PFKFB3: variants seen among roughly 807,000 people sequenced by gnomAD.
PFKFB3 encodes 6-phosphofructo-2-kinase/fructose-2,6-biphosphatase 3.
Under a neutral mutation model 68.0 loss-of-function variants are expected in PFKFB3, and 33 were observed. That is an observed-to-expected ratio of 0.49 (90% CI 0.37 to 0.65). PFKFB3 has a LOEUF of 0.65. Among genes scored for constraint, PFKFB3 ranks in the 30% least tolerant of loss-of-function variants. PFKFB3 has a pLI of 0.00. For missense variants in PFKFB3, 586 were observed against 712.2 expected, an observed-to-expected ratio of 0.82 and a Z score of 2.02; for synonymous variants, 315 against 288.2, an observed-to-expected ratio of 1.09 and a Z score of -0.94.
chr10:6,215,368 C>G lies in PFKFB3; in HGVS notation c.299+51C>G. On this transcript the variant is annotated intron_variant, in intron 3 of 14. Coordinates refer to ENST00000379775, the MANE Select transcript of PFKFB3 (RefSeq NM_004566.4). The surrounding 1 kb of genome is among the most constrained non-coding windows in gnomAD (Gnocchi z 4.3). ...CTGGGCTGTGGGAATAAGGCTGGGC[C>G]GCGGGCATAAGGCTGGGCTGCAGGA... is the stretch of plus-strand genomic sequence containing the variant. The G allele has an allele frequency of 7.2e-7, 1 of 1,390,858 alleles. No homozygotes were observed. Among genetic ancestry groups the G allele is most frequent in the East Asian group, 2.3e-5 (1 of 42,948 alleles). The allele number at this position is 1,390,858 out of a possible 1,614,324, so 86.2% of individuals were successfully genotyped here.
Position 6,233,182 on chromosome 10 carries a change from T to A in PFKFB3, c.*240T>A, listed in dbSNP as rs1539232. 1 of 520,306 alleles carries A rather than the reference T, an allele frequency of 1.9e-6. No homozygotes were observed. The highest frequency in any genetic ancestry group is 3.4e-6 in the Non-Finnish European group (1 of 289,956). 32.2% of individuals were successfully genotyped at this position (520,306 alleles called of 1,614,324 possible). ...TTAGCCGTGGGGCCCCCACCTCCACTCTCTGGGTTTCCTAGGAATGTCCAG... is the reference window on the plus strand; with the variant it reads ...TTAGCCGTGGGGCCCCCACCTCCACACTCTGGGTTTCCTAGGAATGTCCAG... On this transcript the variant is annotated 3_prime_UTR_variant, in exon 15 of 15. Transcript: ENST00000379775.
At chr10:6,183,789 G>A (rs561647489) in intron 1 of PFKFB3, among the ~76,000 whole-genome samples, 111 of 150,720 alleles carry the variant, frequency 7.4e-4, no homozygotes, top group African/African-American at 2.6e-3. Context: ...CCGGGTTCAC[G>A]CCATTCTCCT....
rs1456800977 is a variant in PFKFB3 at position 6,210,349 on chromosome 10, TTTTTTTGTTTTTTTG to T, written c.77-3267_77-3253del. Among the ~76,000 whole-genome samples the T allele has an allele frequency of 3.1e-4, 4 of 12,878 alleles. 2 individuals are homozygous for T. The highest frequency in any genetic ancestry group is 2.3e-3 in the Non-Finnish European group (2 of 856). 8.4% of individuals were successfully genotyped at this position (12,878 alleles called of 152,430 possible). The stretch of plus-strand genomic sequence containing the variant: ...GCCCCTCTCTTTGTTTTTTTTTGTT[TTTTTTTGTTTTTTTG>T]TTTTTTTTTTTTTTGAGACGAAGTT... On this transcript the variant is annotated intron_variant, in intron 1 of 14. Transcript: ENST00000379775.
intron 14 of PFKFB3, chr10:6,245,902 T>G (rs10795935): frequency 0.85 from 129,341 of 152,172 alleles, 55,677 homozygotes; most frequent in Non-Finnish European, 0.91. Flanking sequence ...GCCCTGGGAG[T>G]TGTCAGAAGC....
At chr10:6,257,946 A>G (rs540307646), downstream of PFKFB3, among the ~76,000 whole-genome samples, 25 of 152,274 alleles carry the variant, frequency 1.6e-4, no homozygotes, top group East Asian at 4.6e-3. Flanking sequence ...CTGGGAGCCC[A>G]AGGACAGGTC....
chr10:6,313,852 A>C, the PFKFB3 span, among the ~76,000 whole-genome samples: 34 of 152,270 alleles, frequency 2.2e-4, 2 homozygotes, highest in Admixed American at 1.2e-3. The surrounding 1 kb of genome is among the most constrained non-coding windows in gnomAD (Gnocchi z 4.2). Flanking sequence ...CTTTACGCTA[A>C]GTTTTTTCTG....
At chr10:6,277,591 T>G in the PFKFB3 span, 2 of 188,030 alleles carry the variant, frequency 1.1e-5, no homozygotes, top group Non-Finnish European at 2.3e-5. Context: ...TTGCAAGATC[T>G]GTCTGTTTAA....
the PFKFB3 span, among the ~76,000 whole-genome samples, chr10:6,324,056 A>G: frequency 6.6e-6 from 1 of 152,188 alleles, no homozygotes; most frequent in Non-Finnish European, 1.5e-5. Flanking sequence ...GGTGGAAACA[A>G]CCCAGTGTCC....
rs73615841 is a variant in PFKFB3 at position 6,214,568 on chromosome 10, G to T, written c.203-653G>T. ...TAGATTCGGGTACATGTGCATGTTTGTTACCTGAGTATATTGCATATTGAT... is the reference window on the plus strand; with the variant it reads ...TAGATTCGGGTACATGTGCATGTTTTTTACCTGAGTATATTGCATATTGAT... On this transcript the variant is annotated intron_variant, in intron 2 of 14. Coordinates refer to ENST00000379775, the MANE Select transcript of PFKFB3 (RefSeq NM_004566.4). Among the ~76,000 whole-genome samples the T allele has an allele frequency of 8.8e-3, 1,325 of 151,384 alleles. 16 individuals carry two copies. Among genetic ancestry groups the T allele is most frequent in the African/African-American group, 0.031 (1,271 of 41,150 alleles).
chr10:6,223,516 C>T (rs1845107265), intron 11 of PFKFB3, among the ~76,000 whole-genome samples: 1 of 152,154 alleles, frequency 6.6e-6, no homozygotes, highest in South Asian at 2.1e-4. Flanking sequence ...CCAGCTGCTG[C>T]CCGGGACAGC....
chr10:6,304,096 C>T, the PFKFB3 span, among the ~76,000 whole-genome samples: 183 of 152,218 alleles, frequency 1.2e-3, no homozygotes, highest in Non-Finnish European at 2.1e-3. Flanking sequence ...GTTTTAGTGC[C>T]CCAGAGACGC....
At chr10:6,303,799 A>G in the PFKFB3 span, among the ~76,000 whole-genome samples, 74 of 24,638 alleles carry the variant, frequency 3.0e-3, no homozygotes, top group African/African-American at 6.3e-3. Flanking sequence ...GAGTCCATCT[A>G]AAAAAAAAAA....
chr10:6,312,598 C>A, the PFKFB3 span, among the ~76,000 whole-genome samples: 3 of 152,178 alleles, frequency 2.0e-5, no homozygotes, highest in Non-Finnish European at 4.4e-5. Flanking sequence ...AACACACCTT[C>A]CAGAAAAAAG....
At chr10:6,254,448 G>A in exon 15 of PFKFB3, 2 of 398,254 alleles carry the variant, frequency 5.0e-6, no homozygotes, top group Non-Finnish European at 4.4e-6. Flanking sequence ...TGGTTATGTG[G>A]GATTTCCCAG....
At chr10:6,217,919 G>C (rs561668130) in intron 6 of PFKFB3, among the ~76,000 whole-genome samples, 5 of 152,272 alleles carry the variant, frequency 3.3e-5, no homozygotes, top group African/African-American at 1.2e-4. Context: ...CTTAACACTG[G>C]GACGCTGTGG....
Position 6,219,549 on chromosome 10 carries a change from A to G in PFKFB3, c.499-20A>G, listed in dbSNP as rs755438605. ...AGCCTTCCAGCGTGATTTATCAGCC[A>G]CCCCTTTGTGGTGTTGCAGGAAGTT... On this transcript the variant is annotated intron_variant, in intron 6 of 14. Coordinates refer to ENST00000379775, the MANE Select transcript of PFKFB3 (RefSeq NM_004566.4). 1.3e-5 allele frequency: 21 copies of G among 1,613,718 alleles called. No homozygotes were observed. In the East Asian group the frequency reaches 4.5e-4, roughly 34 times the overall value.
At chr10:6,259,296 CCATT>C (rs1450012588), downstream of PFKFB3, among the ~76,000 whole-genome samples, 3 of 150,844 alleles carry the variant, frequency 2.0e-5, no homozygotes, top group Admixed American at 1.3e-4. Context: ...ATCCACCCAA[CCATT>C]CATCCATCCA....
At chr10:6,282,092 CCCGT>C in the PFKFB3 span, among the ~76,000 whole-genome samples, 1 of 152,076 alleles carries the variant, frequency 6.6e-6, no homozygotes, top group Non-Finnish European at 1.5e-5. Flanking sequence ...GCCTCAGCCT[CCCGT>C]ATAGCTGGGG....
At position 6,228,793 on chromosome 10, in the gene PFKFB3, C is replaced by T. The variant is rs1300388848; in HGVS notation, c.1515+2428C>T. On this transcript the variant is annotated intron_variant, in intron 14 of 14. Transcript: ENST00000379775. This position sits in a 1 kb window ranked among gnomAD's most constrained non-coding sequence, Gnocchi z 4.5. ...GGAGACCCTTGGGGATCCGTTTGTCCTGGGTTGGAGCCTGCTCAGCGTCAT... is the reference window on the plus strand; with the variant it reads ...GGAGACCCTTGGGGATCCGTTTGTCTTGGGTTGGAGCCTGCTCAGCGTCAT... Among the ~76,000 whole-genome samples the T allele has an allele frequency of 1.3e-5, 2 of 152,212 alleles. No individual in the cohort carries two copies. Among genetic ancestry groups the T allele is most frequent in the African/African-American group, 4.8e-5 (2 of 41,462 alleles).
Sources: gnomAD v4.1 joint callset for allele counts (sites outside exome capture counted in the v4.1 genomes callset) on GRCh38, gnomAD v4.1.1 for gene constraint, Gnocchi (gnomAD v3.1) non-coding constraint, MANE v1.5 for transcripts, NCBI Gene and HGNC (gene_info 2026-07-23, HGNC 2026-07-21) for gene names.